The following BRD10 variants were observed in gnomAD, a reference collection of about 807,000 sequenced individuals.
BRD10 encodes the protein bromodomain containing 10.
the BRD10 span, among the ~76,000 whole-genome samples, chr9:5,917,404 T>C: frequency 1.3e-5 from 2 of 152,084 alleles, no homozygotes; most frequent in African/African-American, 2.4e-5. Flanking sequence ...GGAGAACAGG[T>C]TGAAATGAAG....
At chr9:5,891,711 T>C in the BRD10 span, among the ~76,000 whole-genome samples, 33 of 152,084 alleles carry the variant, frequency 2.2e-4, no homozygotes, top group African/African-American at 8.0e-4. Context: ...TGTGTTATAG[T>C]TAGAAAAAAA....
the BRD10 span, among the ~76,000 whole-genome samples, chr9:5,884,497 A>G: frequency 6.6e-6 from 1 of 152,300 alleles, no homozygotes; most frequent in East Asian, 1.9e-4. Context: ...AACCACTGGG[A>G]TGTCACCTTC....
the BRD10 span, among the ~76,000 whole-genome samples, chr9:5,891,462 C>T: frequency 6.6e-6 from 1 of 152,106 alleles, no homozygotes; most frequent in African/African-American, 2.4e-5. Context: ...TAAAATGTCC[C>T]AGTGGAAAGG....
chr9:5,939,580 T>C, the BRD10 span, among the ~76,000 whole-genome samples: 1 of 152,190 alleles, frequency 6.6e-6, no homozygotes, highest in South Asian at 2.1e-4. Flanking sequence ...AATAGAATTC[T>C]CTCTATGATG....
the BRD10 span, among the ~76,000 whole-genome samples, chr9:5,893,878 C>G: frequency 6.6e-6 from 1 of 151,852 alleles, no homozygotes; most frequent in East Asian, 1.9e-4. Flanking sequence ...TCAAGGGGCA[C>G]ACGTCACTTC....
chr9:5,968,745 T>C, the BRD10 span: 109 of 1,613,774 alleles, frequency 6.8e-5, no homozygotes, highest in East Asian at 5.6e-4. Flanking sequence ...ATGGGTGGAA[T>C]TGGAAATTCT....
At chr9:5,923,050 T>C in the BRD10 span, 2 of 1,614,026 alleles carry the variant, frequency 1.2e-6, no homozygotes, top group Non-Finnish European at 1.7e-6. Flanking sequence ...CTGGAAATGA[T>C]GGCTCTGTAT....
At chr9:5,884,280 AT>A in the BRD10 span, among the ~76,000 whole-genome samples, 1 of 152,062 alleles carries the variant, frequency 6.6e-6, no homozygotes, top group East Asian at 1.9e-4. Flanking sequence ...TGGTCAACCC[AT>A]TTTTTTCCCT....
chr9:5,988,296 A>C, the BRD10 span: 20 of 1,366,488 alleles, frequency 1.5e-5, no homozygotes, highest in Middle Eastern at 1.8e-4. Context: ...TGATATGGGC[A>C]CATAAAAATT....
the BRD10 span, among the ~76,000 whole-genome samples, chr9:5,972,836 A>G: frequency 1.3e-5 from 2 of 152,232 alleles, no homozygotes; most frequent in Non-Finnish European, 2.9e-5. Flanking sequence ...ACTCTTCAAC[A>G]GCAATAACAG....
the BRD10 span, among the ~76,000 whole-genome samples, chr9:5,966,535 C>G: frequency 7.4e-6 from 1 of 135,918 alleles, no homozygotes; most frequent in Non-Finnish European, 1.5e-5. Context: ...TCTCTGCTCA[C>G]TGTAACCTCT....
the BRD10 span, among the ~76,000 whole-genome samples, chr9:5,895,808 G>A: frequency 6.6e-6 from 1 of 152,230 alleles, no homozygotes; most frequent in African/African-American, 2.4e-5. Flanking sequence ...TGGGCAGTGG[G>A]TTCTTCCAAT....
chr9:5,916,531 A>G, the BRD10 span, among the ~76,000 whole-genome samples: 2 of 150,752 alleles, frequency 1.3e-5, no homozygotes, highest in Non-Finnish European at 3.0e-5. Context: ...GTGTGTATAT[A>G]TATGTATATA....
chr9:6,000,889 A>T, the BRD10 span, among the ~76,000 whole-genome samples: 1 of 152,010 alleles, frequency 6.6e-6, no homozygotes, highest in Non-Finnish European at 1.5e-5. Flanking sequence ...TTTTTACTAG[A>T]CTCTGTCCTG....
chr9:5,956,518 A>G, the BRD10 span, among the ~76,000 whole-genome samples: 72 of 152,258 alleles, frequency 4.7e-4, no homozygotes, highest in Admixed American at 4.6e-3. Flanking sequence ...TTCATCTGTA[A>G]AACAAGGGAT....
chr9:5,942,727 T>C, the BRD10 span, among the ~76,000 whole-genome samples: 14 of 152,292 alleles, frequency 9.2e-5, no homozygotes, highest in South Asian at 6.2e-4. Context: ...GTGGAAAACA[T>C]ATTTTAAAAC....
chr9:5,999,215 A>T, the BRD10 span, among the ~76,000 whole-genome samples: 1 of 152,080 alleles, frequency 6.6e-6, no homozygotes, highest in Non-Finnish European at 1.5e-5. Flanking sequence ...GAACAGAGAG[A>T]AGATTGAAAT....
chr9:5,932,182 A>C, the BRD10 span, among the ~76,000 whole-genome samples: 2 of 152,184 alleles, frequency 1.3e-5, no homozygotes, highest in Non-Finnish European at 2.9e-5. Context: ...ATATTTATTG[A>C]ACTTTAAATT....
the BRD10 span, chr9:5,907,249 G>A: frequency 1.6e-5 from 4 of 254,838 alleles, no homozygotes; most frequent in African/African-American, 4.5e-5. Context: ...GTGTTTCCAG[G>A]GTCAATAATG....
Sources: gnomAD v4.1 joint callset for allele counts (sites outside exome capture counted in the v4.1 genomes callset) on GRCh38, gnomAD v4.1.1 for gene constraint, MANE v1.5 for transcripts, NCBI Gene and HGNC (gene_info 2026-07-23, HGNC 2026-07-21) for gene names.